SYNPR: variants seen among roughly 807,000 people sequenced by gnomAD.
SYNPR encodes synaptoporin.
A neutral mutation model predicts 32.9 loss-of-function variants in SYNPR; 23 were observed. The observed-to-expected ratio is 0.70, with a 90% CI of 0.50 to 0.99. The LOEUF (loss-of-function observed/expected upper bound fraction) is 0.99, where lower values mean the gene tolerates loss of function less well. Among genes scored for constraint, SYNPR ranks in the 50% least tolerant of loss-of-function variants. The pLI, the probability that SYNPR is intolerant of heterozygous loss-of-function variation, is 0.00. For synonymous variants in SYNPR, 146 were observed against 135.9 expected (o/e 1.07, Z -0.52); for missense variants, 318 against 349.3 (o/e 0.91, Z 0.71).
chr3:63,205,206 A>G, the SYNPR span, among the ~76,000 whole-genome samples: 1 of 152,146 alleles, frequency 6.6e-6, no homozygotes, highest in Non-Finnish European at 1.5e-5. Context: ...GACAGGGGCC[A>G]TGTCAGTTTT....
At chr3:63,485,716 G>A (rs537643386) in intron 3 of SYNPR, among the ~76,000 whole-genome samples, 38 of 152,132 alleles carry the variant, frequency 2.5e-4, no homozygotes, top group Non-Finnish European at 5.0e-4. Flanking sequence ...TTGTTTTTTG[G>A]AAGTAACCAG....
At position 63,304,360 on chromosome 3, in the gene SYNPR, G is replaced by T. The variant is rs555117741; in HGVS notation, c.84+25618G>T. ...AAAGAAAGTGTGTGTGTGTTTGTGT[G>T]TGTGTGTGTGTGTGTGTGTGTGTAA... On this transcript the variant is annotated intron_variant, in intron 2 of 5. Transcript: ENST00000478300. 1.0e-4 allele frequency among the ~76,000 whole-genome samples: 15 copies of T among 148,900 alleles called. 1 individual carries two copies. In the South Asian group the frequency reaches 3.2e-3, roughly 32 times the overall value.
At chr3:63,414,023 TAG>T (rs758540937) in intron 2 of SYNPR, among the ~76,000 whole-genome samples, 3 of 145,498 alleles carry the variant, frequency 2.1e-5, no homozygotes, top group Admixed American at 6.9e-5. Context: ...TATATATATA[TAG>T]AGAGAGAGAG....
At chr3:63,296,430 A>G (rs1178039232) in intron 2 of SYNPR, among the ~76,000 whole-genome samples, 1 of 152,112 alleles carries the variant, frequency 6.6e-6, no homozygotes, top group African/African-American at 2.4e-5. Flanking sequence ...ATCTTCAAGG[A>G]CCTGGCCCCG....
intron 2 of SYNPR, among the ~76,000 whole-genome samples, chr3:63,403,512 A>G (rs1301362128): frequency 6.6e-6 from 1 of 151,970 alleles, no homozygotes; most frequent in Non-Finnish European, 1.5e-5. Context: ...AATCCTCACA[A>G]TAACCCCACA....
intron 3 of SYNPR, among the ~76,000 whole-genome samples, chr3:63,524,870 TGAGAGA>T (rs59919433): frequency 0.099 from 13,975 of 140,518 alleles, 904 homozygotes; most frequent in Middle Eastern, 0.19. Context: ...TGTGTGTGTG[TGAGAGA>T]GAGAGAGAGA....
chr3:63,597,058 G>T (rs566251457), intron 4 of SYNPR, among the ~76,000 whole-genome samples: 36 of 152,134 alleles, frequency 2.4e-4, no homozygotes, highest in African/African-American at 8.2e-4. Flanking sequence ...GGGGTTTGTT[G>T]TATTAATATG....
At chr3:63,423,384 G>T (rs1208483404) in intron 2 of SYNPR, among the ~76,000 whole-genome samples, 1 of 152,200 alleles carries the variant, frequency 6.6e-6, no homozygotes, top group African/African-American at 2.4e-5. Flanking sequence ...GAAAGGCTTT[G>T]TTACAAGGCT....
chr3:63,528,586 G>T (rs1428898885), intron 3 of SYNPR, among the ~76,000 whole-genome samples: 1 of 151,982 alleles, frequency 6.6e-6, no homozygotes, highest in Non-Finnish European at 1.5e-5. Flanking sequence ...TTTGAGTCAG[G>T]GTTTATTCAC....
the SYNPR span, among the ~76,000 whole-genome samples, chr3:63,201,085 T>C: frequency 6.6e-6 from 1 of 152,184 alleles, no homozygotes; most frequent in Non-Finnish European, 1.5e-5. Context: ...GAGCCAAAAT[T>C]ATCCTTTAAA....
At chr3:63,460,524 A>G (rs973500741) in intron 2 of SYNPR, among the ~76,000 whole-genome samples, 2 of 150,942 alleles carry the variant, frequency 1.3e-5, no homozygotes, top group African/African-American at 2.4e-5. Context: ...CCAAAGATGA[A>G]GAACATAATC....
intron 2 of SYNPR, among the ~76,000 whole-genome samples, chr3:63,398,590 C>T (rs969591291): frequency 6.6e-6 from 1 of 151,622 alleles, no homozygotes; most frequent in African/African-American, 2.4e-5. Context: ...CAGTGGTGGG[C>T]ACCTGTACTC....
chr3:63,419,243 G>T (rs1170862616), intron 2 of SYNPR, among the ~76,000 whole-genome samples: 1 of 152,214 alleles, frequency 6.6e-6, no homozygotes, highest in African/African-American at 2.4e-5. Context: ...CTTGCCTTCA[G>T]GTCACTGTGT....
chr3:63,447,865 T>C (rs1559502039), intron 2 of SYNPR, among the ~76,000 whole-genome samples: 1 of 152,180 alleles, frequency 6.6e-6, no homozygotes, highest in Non-Finnish European at 1.5e-5. Flanking sequence ...GCTATCAGTT[T>C]ACCATGGAGC....
chr3:63,230,461 AC>A (rs1241470943), intron 1 of SYNPR, among the ~76,000 whole-genome samples: 1 of 152,082 alleles, frequency 6.6e-6, no homozygotes, highest in Non-Finnish European at 1.5e-5. Context: ...GACCCTTTTC[AC>A]CTTCTCACAG....
rs758080380 is a variant in SYNPR, at chr3:63,278,599, G to A, written c.18+48G>A. On this transcript the variant is annotated intron_variant, in intron 1 of 5. Transcript: ENST00000478300. Reference sequence around the variant, plus strand: ...GGCTGGCTGGGAGCAGGGGGCGGGGGATGCCGCGGCTTGGGAGAGGCGCCC... The same window carrying A: ...GGCTGGCTGGGAGCAGGGGGCGGGGAATGCCGCGGCTTGGGAGAGGCGCCC... 10 of 1,550,672 alleles carry A rather than the reference G, an allele frequency of 6.4e-6. No individual in the cohort carries two copies. In the East Asian group the frequency reaches 7.3e-5, roughly 11 times the overall value.
At chr3:63,539,210 G>C (rs1702258851) in intron 3 of SYNPR, among the ~76,000 whole-genome samples, 1 of 152,126 alleles carries the variant, frequency 6.6e-6, no homozygotes, top group African/African-American at 2.4e-5. Flanking sequence ...ATCTCTGTGT[G>C]TTAGTATTAG....
intron 1 of SYNPR, among the ~76,000 whole-genome samples, chr3:63,236,493 T>C (rs1454419156): frequency 3.3e-5 from 5 of 152,146 alleles, no homozygotes; most frequent in South Asian, 2.1e-4. Context: ...ATGTTCAATC[T>C]TTTATTACAC....
At chr3:63,263,529 T>C (rs1000006486) in intron 2 of SYNPR, among the ~76,000 whole-genome samples, 1 of 152,226 alleles carries the variant, frequency 6.6e-6, no homozygotes, top group African/African-American at 2.4e-5. Flanking sequence ...TCATGAATTT[T>C]GGGCAGCAAT....
Sources: gnomAD v4.1 joint callset for allele counts (sites outside exome capture counted in the v4.1 genomes callset) on GRCh38, gnomAD v4.1.1 for gene constraint, MANE v1.5 for transcripts, NCBI Gene and HGNC (gene_info 2026-07-23, HGNC 2026-07-21) for gene names.